ADRA1A: variants seen among roughly 807,000 people sequenced by gnomAD.
ADRA1A encodes the protein alpha-1A adrenergic receptor.
In ADRA1A, 31 loss-of-function variants were observed where a neutral mutation model predicts 29.6. The observed-to-expected ratio is 1.05, with a 90% CI of 0.79 to 1.41. The LOEUF (loss-of-function observed/expected upper bound fraction) is 1.41, where lower values mean the gene tolerates loss of function less well. Among genes scored for constraint, ADRA1A ranks in the 40% most tolerant of loss-of-function variants. The probability of loss-of-function intolerance (pLI) is 0.00; values close to 1 mark genes in which losing one functional copy is unlikely to be tolerated. For synonymous variants in ADRA1A, 311 were observed against 254.3 expected, an observed-to-expected ratio of 1.22 and a Z score of -2.12; for missense variants, 619 against 601.1, an observed-to-expected ratio of 1.03 and a Z score of -0.31.
chr8:26,750,691 T>G (rs150646249), intron 2 of ADRA1A, among the ~76,000 whole-genome samples: 467 of 152,356 alleles, frequency 3.1e-3, no homozygotes, highest in African/African-American at 0.011. Flanking sequence ...TACAAGCAAG[T>G]TGGGTATAGG....
chr8:26,859,870 C>T (rs1357728951), intron 2 of ADRA1A, among the ~76,000 whole-genome samples: 4 of 151,678 alleles, frequency 2.6e-5, no homozygotes, highest in South Asian at 2.1e-4. Context: ...CGGGTTCAAG[C>T]GATTCTCCAG....
chr8:26,762,124 A>G (rs1805538989), downstream of ADRA1A, among the ~76,000 whole-genome samples: 1 of 152,100 alleles, frequency 6.6e-6, no homozygotes, highest in Non-Finnish European at 1.5e-5. The surrounding 1 kb of genome is among the most constrained non-coding windows in gnomAD (Gnocchi z 4.0). Flanking sequence ...GAGAAAGAGA[A>G]GGTTACTTTG....
At chr8:26,752,693 G>C (rs143767231), downstream of ADRA1A, among the ~76,000 whole-genome samples, 17 of 152,258 alleles carry the variant, frequency 1.1e-4, no homozygotes, top group African/African-American at 4.1e-4. Context: ...TGACTTAGAT[G>C]CCAAGGACTT....
downstream of ADRA1A, among the ~76,000 whole-genome samples, chr8:26,755,891 G>C (rs3739215): frequency 0.52 from 78,887 of 152,080 alleles, 21,566 homozygotes; most frequent in East Asian, 0.85. Flanking sequence ...TGTTTTGCAG[G>C]GTGATTTTCA....
chr8:26,767,858 G>T (rs61759733), downstream of ADRA1A, among the ~76,000 whole-genome samples: 13 of 152,196 alleles, frequency 8.5e-5, no homozygotes, highest in Admixed American at 2.0e-4. Flanking sequence ...TGTCAACAAT[G>T]AAACTGATCT....
At chr8:26,792,687 C>T (rs1480247540) in intron 2 of ADRA1A, among the ~76,000 whole-genome samples, 1 of 147,130 alleles carries the variant, frequency 6.8e-6, no homozygotes, top group Non-Finnish European at 1.5e-5. Flanking sequence ...TTAATGTAGA[C>T]AGGAATATAT....
rs56318220 is a variant in ADRA1A at position 26,770,476 on chromosome 8, G to A, written c.1074C>T (p.Tyr358=). The A allele has an allele frequency of 2.1e-4, 331 of 1,614,210 alleles. No homozygotes were observed. The highest frequency in any genetic ancestry group is 1.6e-3 in the South Asian group (150 of 91,084). The change falls in exon 3 of 3, where the codon TAC becomes TAT. Residue 358 remains tyrosine, a synonymous_variant. Transcript: ENST00000380573. ...RKQSSKHALG[Y]TLHPPSQAVE... ...CGGCCTGGCTGGGCGGGTGCAGGGT[G>A]TAGCCCAGGGCATGTTTGGAAGACT... is the stretch of plus-strand genomic sequence containing the variant.
intron 2 of ADRA1A, among the ~76,000 whole-genome samples, chr8:26,846,601 T>C (rs1464344688): frequency 6.6e-6 from 1 of 152,066 alleles, no homozygotes; most frequent in African/African-American, 2.4e-5. Context: ...AAACCCTGTC[T>C]CTACTAAAAA....
chr8:26,785,397 C>A (rs7828716), intron 2 of ADRA1A, among the ~76,000 whole-genome samples: 2,136 of 152,202 alleles, frequency 0.014, 48 homozygotes, highest in African/African-American at 0.047. Flanking sequence ...GCTGAGCTGA[C>A]GTCTGGACTA....
At chr8:26,758,833 C>T (rs543458299) in intron 2 of ADRA1A, among the ~76,000 whole-genome samples, 2 of 152,208 alleles carry the variant, frequency 1.3e-5, no homozygotes, top group Non-Finnish European at 2.9e-5. Flanking sequence ...TTTTTCAAAA[C>T]TCCCTGCAGA....
chr8:26,837,050 C>T (rs1340330778), intron 2 of ADRA1A, among the ~76,000 whole-genome samples: 2 of 152,054 alleles, frequency 1.3e-5, no homozygotes, highest in Non-Finnish European at 2.9e-5. Flanking sequence ...TGGGCCCTCA[C>T]CTCACTCTGC....
At chr8:26,781,711 A>C (rs982773743) in intron 2 of ADRA1A, among the ~76,000 whole-genome samples, 3 of 152,242 alleles carry the variant, frequency 2.0e-5, no homozygotes, top group Non-Finnish European at 4.4e-5. Context: ...CCTATAATTC[A>C]GATGTGATAG....
rs975819704 is a variant in ADRA1A, at chr8:26,775,273, G to A, written c.884-4607C>T. Reference sequence around the variant, plus strand: ...ATGGTTCTTCTTCACAGTGTGGCTTGGTTTTCTTTTCTGCGTGATGGCTGT... The same window carrying A: ...ATGGTTCTTCTTCACAGTGTGGCTTAGTTTTCTTTTCTGCGTGATGGCTGT... On this transcript the variant is annotated intron_variant, in intron 2 of 2. Transcript: ENST00000380573. The surrounding 1 kb of genome is among the most constrained non-coding windows in gnomAD (Gnocchi z 4.1). 6.6e-6 allele frequency among the ~76,000 whole-genome samples: 1 copy of A among 152,184 alleles called. No homozygotes were observed. Among genetic ancestry groups the A allele is most frequent in the Admixed American group, 6.5e-5 (1 of 15,270 alleles).
At chr8:26,790,606 T>A (rs1442625465) in intron 2 of ADRA1A, among the ~76,000 whole-genome samples, 1 of 152,166 alleles carries the variant, frequency 6.6e-6, no homozygotes, top group African/African-American at 2.4e-5. Flanking sequence ...ACAGTTTGAA[T>A]GTTTCCAACA....
At chr8:26,776,471 G>C (rs1806557567) in intron 2 of ADRA1A, among the ~76,000 whole-genome samples, 1 of 152,234 alleles carries the variant, frequency 6.6e-6, no homozygotes, top group Admixed American at 6.5e-5. Context: ...CAGGCACTTA[G>C]AGATCAGAGC....
intron 2 of ADRA1A, among the ~76,000 whole-genome samples, chr8:26,837,438 GC>G (rs1811462798): frequency 6.6e-6 from 1 of 152,052 alleles, no homozygotes; most frequent in South Asian, 2.1e-4. Context: ...ATCACTTGAG[GC>G]CAGGAGTTTG....
At chr8:26,822,308 T>C (rs1810229852) in intron 2 of ADRA1A, among the ~76,000 whole-genome samples, 1 of 152,214 alleles carries the variant, frequency 6.6e-6, no homozygotes, top group South Asian at 2.1e-4. Flanking sequence ...TATAAAGCTA[T>C]GCCTACTTCA....
intron 2 of ADRA1A, among the ~76,000 whole-genome samples, chr8:26,750,467 G>T (rs527757425): frequency 1.3e-5 from 2 of 152,258 alleles, no homozygotes; most frequent in South Asian, 2.1e-4. Flanking sequence ...CTCCGAACGT[G>T]CTGGGATTAC....
intron 2 of ADRA1A, among the ~76,000 whole-genome samples, chr8:26,854,976 G>A (rs1244619789): frequency 1.3e-5 from 2 of 152,218 alleles, no homozygotes; most frequent in Non-Finnish European, 2.9e-5. Flanking sequence ...CATCCATAAA[G>A]ATGAAGGTAG....
Sources: gnomAD v4.1 joint callset for allele counts (sites outside exome capture counted in the v4.1 genomes callset) on GRCh38, gnomAD v4.1.1 for gene constraint, Gnocchi (gnomAD v3.1) non-coding constraint, MANE v1.5 for transcripts, NCBI Gene and HGNC (gene_info 2026-07-23, HGNC 2026-07-21) for gene names.